Variants in TNIK observed in about 807,000 individuals in gnomAD.
TNIK encodes TRAF2 and NCK interacting kinase.
TNIK carries 49 observed loss-of-function variants against 191.3 expected under a neutral mutation model. That is an observed-to-expected ratio of 0.26 (90% CI 0.20 to 0.32). The LOEUF is 0.32. TNIK is among the 10% of genes least tolerant of loss of function. The pLI is 1.00. For synonymous variants in TNIK, 594 were observed against 600.9 expected (o/e 0.99, Z 0.17); for missense variants, 1,155 against 1,702.3 (o/e 0.68, Z 5.66).
chr3:171,194,398 C>CT lies in TNIK; in HGVS notation c.417+126dup. 3.5e-6 allele frequency: 3 copies of CT among 846,956 alleles called. No individual in the cohort carries two copies. The East Asian group carries it at 7.5e-5, about 21-fold the overall frequency. The allele number at this position is 846,956 out of a possible 1,614,324, so 52.5% of individuals were successfully genotyped here. ...CCACCACCACCACTGATAGGATAAACTTTTAAAGGGTTTTTGATATGCTTA... is the reference window on the plus strand; with the variant it reads ...CCACCACCACCACTGATAGGATAAACTTTTTAAAGGGTTTTTGATATGCTTA... On this transcript the variant is annotated intron_variant, in intron 5 of 32. Transcript: ENST00000436636.
chr3:171,431,035 G>A (rs973360610), intron 1 of TNIK, among the ~76,000 whole-genome samples: 2 of 151,994 alleles, frequency 1.3e-5, no homozygotes, highest in African/African-American at 2.4e-5. Context: ...AATGAATTAC[G>A]CACTTATTTC....
At chr3:171,078,059 G>C (rs963407331) in intron 28 of TNIK, among the ~76,000 whole-genome samples, 3 of 152,056 alleles carry the variant, frequency 2.0e-5, no homozygotes, top group African/African-American at 4.8e-5. Flanking sequence ...TATGTAAACT[G>C]TTTGTTATTT....
At chr3:171,157,781 A>G in intron 11 of TNIK, 117 bp from the exon 12 acceptor site, 1 of 1,042,044 alleles carries the variant, frequency 9.6e-7, no homozygotes, top group Admixed American at 2.4e-5. Flanking sequence ...AAAGAAGAGC[A>G]CAGGCTCCTA....
chr3:171,440,417 T>C (rs1481758446), intron 1 of TNIK, among the ~76,000 whole-genome samples: 1 of 152,196 alleles, frequency 6.6e-6, no homozygotes, highest in Non-Finnish European at 1.5e-5. Flanking sequence ...TCCAGGAAGA[T>C]GACATGCTAA....
intron 27 of TNIK, among the ~76,000 whole-genome samples, chr3:171,081,572 G>C (rs943054775): frequency 2.7e-5 from 4 of 148,028 alleles, no homozygotes; most frequent in Non-Finnish European, 4.5e-5. Flanking sequence ...AATGAGAGGG[G>C]AAGTGACGGG....
chr3:171,190,907 T>G, intron 5 of TNIK, 120 bp from the exon 6 acceptor site: 1 of 649,198 alleles, frequency 1.5e-6, no homozygotes, highest in Non-Finnish European at 2.6e-6. Context: ...TTCAGAATTA[T>G]AATCACATCT....
intron 2 of TNIK, among the ~76,000 whole-genome samples, chr3:171,247,999 GA>G (rs1014582234): frequency 9.2e-5 from 14 of 152,186 alleles, no homozygotes; most frequent in Admixed American, 5.9e-4. Flanking sequence ...AGGCTGGGAG[GA>G]AAGGGGCAAT....
intron 2 of TNIK, among the ~76,000 whole-genome samples, chr3:171,316,574 T>C (rs1012878549): frequency 1.3e-5 from 2 of 151,990 alleles, no homozygotes; most frequent in Non-Finnish European, 2.9e-5. Flanking sequence ...GAGCAAAGAG[T>C]ATCTAAAGGG....
intron 4 of TNIK, among the ~76,000 whole-genome samples, chr3:171,194,898 T>A (rs1420809804): frequency 6.6e-6 from 1 of 152,192 alleles, no homozygotes; most frequent in East Asian, 1.9e-4. Flanking sequence ...TATTTTTTTT[T>A]AATGGGAGTA....
At chr3:171,246,875 C>G (rs1745651247) in intron 2 of TNIK, among the ~76,000 whole-genome samples, 1 of 152,208 alleles carries the variant, frequency 6.6e-6, no homozygotes, top group Non-Finnish European at 1.5e-5. Context: ...CCAACTCAGA[C>G]TGGGCTGAAC....
chr3:171,128,848 T>C lies in TNIK; in HGVS notation c.1639A>G (p.Ser547Gly). ...ACCTTGTGAGGCATGGCAGGGGAACTTTGCCGGTTGAGCCTTGACCGTTCT... is the reference window on the plus strand; with the variant it reads ...ACCTTGTGAGGCATGGCAGGGGAACCTTGCCGGTTGAGCCTTGACCGTTCT... ...VEERSRLNRQ[S>G]SPAMPHKVAN... Residue 547 changes from serine (S) to glycine (G), a missense_variant, in exon 16 of 33, where the codon AGT becomes GGT. Coordinates refer to ENST00000436636, the MANE Select transcript of TNIK (RefSeq NM_015028.4). 1 of 1,568,200 alleles carries C rather than the reference T, an allele frequency of 6.4e-7. No individual in the cohort carries two copies. Among genetic ancestry groups the C allele is most frequent in the South Asian group, 1.2e-5 (1 of 85,784 alleles).
chr3:171,210,325 A>G (rs543871165), intron 4 of TNIK, among the ~76,000 whole-genome samples: 3 of 152,348 alleles, frequency 2.0e-5, no homozygotes, highest in Admixed American at 2.0e-4. Flanking sequence ...AAACCAATAC[A>G]GCATTATAAT....
chr3:171,172,530 T>C (rs1462919504), intron 9 of TNIK, among the ~76,000 whole-genome samples: 1 of 152,230 alleles, frequency 6.6e-6, no homozygotes, highest in Non-Finnish European at 1.5e-5. Flanking sequence ...TAAAATACTC[T>C]GAAGTGTTTA....
chr3:171,272,539 GTTT>G (rs745974284), intron 2 of TNIK, among the ~76,000 whole-genome samples: 3 of 151,986 alleles, frequency 2.0e-5, no homozygotes, highest in Admixed American at 6.6e-5. Context: ...CATTTCTTTT[GTTT>G]TTTTCTCCTC....
intron 21 of TNIK, chr3:171,106,713 CTTCTGATGCTGT>C (rs1440015707): frequency 1.9e-6 from 1 of 534,250 alleles, no homozygotes; most frequent in African/African-American, 1.9e-5. Flanking sequence ...GCTGATGTTG[CTTCTGATGCTGT>C]TGTTAATGTC....
intron 2 of TNIK, among the ~76,000 whole-genome samples, chr3:171,312,048 G>A (rs922042701): frequency 2.0e-5 from 3 of 149,404 alleles, no homozygotes; most frequent in Non-Finnish European, 4.4e-5. Flanking sequence ...AGAAAAAAAG[G>A]GAGGGGAGAC....
chr3:171,324,903 C>T (rs1560429571), intron 2 of TNIK, among the ~76,000 whole-genome samples: 1 of 151,974 alleles, frequency 6.6e-6, no homozygotes, highest in Non-Finnish European at 1.5e-5. Flanking sequence ...TCGAGACCAT[C>T]CTGGCTAACA....
At chr3:171,441,391 A>G (rs1324968895) in intron 1 of TNIK, among the ~76,000 whole-genome samples, 2 of 152,252 alleles carry the variant, frequency 1.3e-5, no homozygotes, top group Admixed American at 6.5e-5. Context: ...CATTTCATAT[A>G]TACAGAATCA....
At chr3:171,214,549 T>C (rs965644186) in intron 3 of TNIK, among the ~76,000 whole-genome samples, 1 of 152,242 alleles carries the variant, frequency 6.6e-6, no homozygotes, top group African/African-American at 2.4e-5. Flanking sequence ...GTAAATGTAC[T>C]ATTTCCAAAT....
Sources: gnomAD v4.1 joint callset for allele counts (sites outside exome capture counted in the v4.1 genomes callset) on GRCh38, gnomAD v4.1.1 for gene constraint, MANE v1.5 for transcripts, NCBI Gene and HGNC (gene_info 2026-07-23, HGNC 2026-07-21) for gene names.